SPATS2L: variants seen among roughly 807,000 people sequenced by gnomAD.
SPATS2L encodes SPATS2-like protein.
In SPATS2L, 30 loss-of-function variants were observed where a neutral mutation model predicts 59.6. The observed-to-expected ratio is 0.50, with a 90% CI of 0.38 to 0.68. The LOEUF is 0.68. Among genes scored for constraint, SPATS2L ranks in the 30% least tolerant of loss-of-function variants. SPATS2L has a pLI of 0.00. For synonymous variants in SPATS2L, 252 were observed against 263.5 expected (o/e 0.96, Z 0.42); for missense variants, 615 against 700.0 (o/e 0.88, Z 1.37).
intron 9 of SPATS2L, among the ~76,000 whole-genome samples, chr2:200,465,980 C>T (rs572745235): frequency 1.3e-5 from 2 of 152,236 alleles, no homozygotes; most frequent in African/African-American, 2.4e-5. Flanking sequence ...TGCAGTGAGC[C>T]GAGATCATGC....
intron 3 of SPATS2L, chr2:200,389,503 A>G (rs1005766360): frequency 2.2e-6 from 1 of 457,756 alleles, no homozygotes; most frequent in East Asian, 3.5e-5. Flanking sequence ...ACTCTTGACC[A>G]TAACCCCATA....
chr2:200,404,369 G>A (rs988972989), intron 3 of SPATS2L, among the ~76,000 whole-genome samples: 3 of 152,190 alleles, frequency 2.0e-5, no homozygotes, highest in Admixed American at 1.3e-4. Flanking sequence ...AGAATGATGT[G>A]CTAGTTATTT....
intron 3 of SPATS2L, among the ~76,000 whole-genome samples, chr2:200,410,922 C>T (rs1159414272): frequency 5.3e-5 from 8 of 151,498 alleles, no homozygotes; most frequent in South Asian, 2.1e-4. Flanking sequence ...GATTTGAAGA[C>T]GTTAATTTGT....
intron 3 of SPATS2L, among the ~76,000 whole-genome samples, chr2:200,404,263 C>A (rs1036415068): frequency 6.6e-6 from 1 of 152,114 alleles, no homozygotes; most frequent in South Asian, 2.1e-4. Flanking sequence ...CATTAGGAGG[C>A]CTTTTCCAGA....
At chr2:200,423,384 T>C (rs75990058) in intron 6 of SPATS2L, among the ~76,000 whole-genome samples, 2,995 of 152,292 alleles carry the variant, frequency 0.02, 87 homozygotes, top group African/African-American at 0.063. Flanking sequence ...AGACACTCTG[T>C]ACCCCATTTT....
intron 1 of SPATS2L, among the ~76,000 whole-genome samples, chr2:200,312,405 G>A (rs1000262244): frequency 2.0e-5 from 3 of 152,156 alleles, no homozygotes; most frequent in Non-Finnish European, 4.4e-5. Context: ...TCTGTGGAAC[G>A]GAGTCCCATG....
At chr2:200,374,513 C>T (rs2081535189) in intron 2 of SPATS2L, among the ~76,000 whole-genome samples, 1 of 152,006 alleles carries the variant, frequency 6.6e-6, no homozygotes, top group Non-Finnish European at 1.5e-5. Flanking sequence ...TTTGATCCCC[C>T]TGTGCATGGC....
chr2:200,341,135 T>C (rs1469573755), intron 2 of SPATS2L, among the ~76,000 whole-genome samples: 1 of 152,154 alleles, frequency 6.6e-6, no homozygotes. Context: ...CCCAACCAAT[T>C]CTCACAACAG....
chr2:200,419,019 T>C (rs899252995), intron 5 of SPATS2L, among the ~76,000 whole-genome samples: 14 of 152,198 alleles, frequency 9.2e-5, no homozygotes, highest in African/African-American at 3.4e-4. Flanking sequence ...TTCCTTTTAT[T>C]GGAACCTTTT....
intron 2 of SPATS2L, among the ~76,000 whole-genome samples, chr2:200,358,484 G>T (rs1334573151): frequency 6.6e-6 from 1 of 152,180 alleles, no homozygotes; most frequent in Non-Finnish European, 1.5e-5. Flanking sequence ...TGGCTGCAAA[G>T]GTACGTGAAT....
intron 2 of SPATS2L, among the ~76,000 whole-genome samples, chr2:200,334,609 T>C (rs1345937171): frequency 6.6e-6 from 1 of 151,772 alleles, no homozygotes; most frequent in Admixed American, 6.6e-5. Flanking sequence ...CTGAATGGTA[T>C]TGCCTAGGTT....
chr2:200,422,140 C>T (rs1421005064), intron 6 of SPATS2L, among the ~76,000 whole-genome samples: 1 of 152,152 alleles, frequency 6.6e-6, no homozygotes, highest in Non-Finnish European at 1.5e-5. Flanking sequence ...TCCCATTCTC[C>T]CTTCTGTTTT....
chr2:200,309,936 G>C (rs191841715), intron 1 of SPATS2L, among the ~76,000 whole-genome samples: 38 of 152,202 alleles, frequency 2.5e-4, no homozygotes, highest in East Asian at 2.3e-3. Flanking sequence ...GATCCCCTAA[G>C]TACCATAGCT....
intron 6 of SPATS2L, among the ~76,000 whole-genome samples, chr2:200,430,015 A>T (rs1240777862): frequency 6.6e-6 from 1 of 152,180 alleles, no homozygotes; most frequent in African/African-American, 2.4e-5. Context: ...TGATATCCCC[A>T]GGTCAAATAT....
chr2:200,450,952 T>C (rs2085395562), intron 8 of SPATS2L, among the ~76,000 whole-genome samples: 1 of 151,992 alleles, frequency 6.6e-6, no homozygotes, highest in Non-Finnish European at 1.5e-5. Context: ...AGAAAGAAGA[T>C]TCCATGCAGA....
Position 200,477,727 on chromosome 2 carries a change from A to G in SPATS2L, c.1373A>G (p.Glu458Gly). The G allele has an allele frequency of 6.4e-7, 1 of 1,564,544 alleles. No individual in the cohort carries two copies. Among genetic ancestry groups the G allele is most frequent in the Non-Finnish European group, 8.7e-7 (1 of 1,154,676 alleles). The change falls in exon 13 of 13, where the codon GAA (glutamate) becomes GGA (glycine). Residue 458 changes from glutamate to glycine, a missense_variant. By Grantham distance (98) the Glu-to-Gly change is moderately conservative. Transcript: ENST00000409140. Reference sequence around the variant, plus strand: ...GCCAAGTCGCAGGGCAGTGGGAATGAAGCCGAGCCACTGGGAAAGGGCAAC... The same window carrying G: ...GCCAAGTCGCAGGGCAGTGGGAATGGAGCCGAGCCACTGGGAAAGGGCAAC... ...GPAKSQGSGN[E>G]AEPLGKGNSR...
chr2:200,348,324 C>T (rs1248533327), intron 2 of SPATS2L, among the ~76,000 whole-genome samples: 1 of 152,198 alleles, frequency 6.6e-6, no homozygotes, highest in East Asian at 1.9e-4. Context: ...CATGTTGAGA[C>T]ATGGTAAACA....
chr2:200,436,826 G>A (rs574615064), intron 6 of SPATS2L, among the ~76,000 whole-genome samples: 13 of 152,284 alleles, frequency 8.5e-5, no homozygotes, highest in African/African-American at 2.9e-4. Context: ...CAGATCTCAT[G>A]TTGAAATGTG....
chr2:200,326,238 G>A (rs2105783868), intron 1 of SPATS2L, among the ~76,000 whole-genome samples: 1 of 152,258 alleles, frequency 6.6e-6, no homozygotes, highest in South Asian at 2.1e-4. Context: ...AGCCTCCCAG[G>A]TAGCTGGAGC....
Sources: gnomAD v4.1 joint callset for allele counts (sites outside exome capture counted in the v4.1 genomes callset) on GRCh38, gnomAD v4.1.1 for gene constraint, MANE v1.5 for transcripts, NCBI Gene and HGNC (gene_info 2026-07-23, HGNC 2026-07-21) for gene names.